Variants in SLC44A5 observed in about 807,000 individuals in gnomAD.
SLC44A5 encodes the protein choline transporter-like protein 5.
SLC44A5 carries 57 observed loss-of-function variants against 101.8 expected under a neutral mutation model. The observed-to-expected ratio is 0.56, with a 90% CI of 0.45 to 0.70. The LOEUF is 0.70. Ranked by LOEUF, SLC44A5 falls within the 30% of genes least tolerant of loss-of-function variation. SLC44A5 has a pLI of 0.00. For synonymous variants in SLC44A5, 281 were observed against 290.9 expected, an observed-to-expected ratio of 0.97 and a Z score of 0.35; for missense variants, 737 against 853.1, an observed-to-expected ratio of 0.86 and a Z score of 1.70.
chr1:75,379,058 C>A (rs1660798406), intron 3 of SLC44A5, among the ~76,000 whole-genome samples: 1 of 79,320 alleles, frequency 1.3e-5, no homozygotes, highest in Non-Finnish European at 2.1e-5. Flanking sequence ...AACGTTAGAA[C>A]CAATGCCACC....
chr1:75,680,883 A>T, the SLC44A5 span, among the ~76,000 whole-genome samples: 1 of 151,508 alleles, frequency 6.6e-6, no homozygotes, highest in Non-Finnish European at 1.5e-5. Context: ...ATAAAGAAAA[A>T]AAGAGAGAAG....
chr1:75,638,172 G>T, the SLC44A5 span, among the ~76,000 whole-genome samples: 1 of 151,828 alleles, frequency 6.6e-6, no homozygotes, highest in African/African-American at 2.4e-5. Context: ...TAAATAATAT[G>T]ACATCATTTA....
At chr1:75,669,916 ATC>A in the SLC44A5 span, among the ~76,000 whole-genome samples, 3 of 152,166 alleles carry the variant, frequency 2.0e-5, no homozygotes, top group Non-Finnish European at 2.9e-5. Context: ...AAAGCCAAAT[ATC>A]TCTGTTTTGA....
At chr1:75,638,211 A>G in the SLC44A5 span, among the ~76,000 whole-genome samples, 2 of 152,098 alleles carry the variant, frequency 1.3e-5, no homozygotes, top group East Asian at 3.8e-4. Context: ...AGAAGCTAAT[A>G]GTACGATTAA....
Position 75,227,794 on chromosome 1 carries a change from A to G in SLC44A5, c.917T>C (p.Ile306Thr). 2 of 1,596,836 alleles carry G rather than the reference A, an allele frequency of 1.3e-6. No individual in the cohort carries two copies. The highest frequency in any genetic ancestry group is 4.6e-5 in the East Asian group (2 of 43,676). Residue 306 changes from isoleucine (I) to threonine (T), a missense_variant, in exon 13 of 24, where the codon ATC becomes ACC. Transcript: ENST00000370859. ...GTTAGTCTGAATCCCGATGTCATAG[A>G]TAGTTAATACAGAACTTGGGCGTTC... ...LQERPSSVLTIYDIGIQTNIS... is the reference protein window; with the variant it reads ...LQERPSSVLTTYDIGIQTNIS...
intron 13 of SLC44A5, among the ~76,000 whole-genome samples, chr1:75,225,271 G>C (rs1313306360): frequency 2.0e-5 from 3 of 152,244 alleles, no homozygotes; most frequent in Non-Finnish European, 2.9e-5. Context: ...TGTAGACTAG[G>C]AGCAATAGGC....
intron 3 of SLC44A5, chr1:75,357,239 A>G (rs1281321233): frequency 2.2e-6 from 1 of 455,770 alleles, no homozygotes; most frequent in Non-Finnish European, 4.4e-6. Context: ...AAAAGAACCA[A>G]GAGCACTTCC....
At chr1:75,251,122 A>G in intron 7 of SLC44A5, 88 bp downstream of exon 7, 1 of 1,041,804 alleles carries the variant, frequency 9.6e-7, no homozygotes. Context: ...ACGCACACAC[A>G]CAGAGAACTC....
intron 1 of SLC44A5, among the ~76,000 whole-genome samples, chr1:75,599,729 A>T (rs560685013): frequency 6.6e-6 from 1 of 152,180 alleles, no homozygotes; most frequent in Non-Finnish European, 1.5e-5. Flanking sequence ...CAAACCATCC[A>T]AAACAATAAC....
At chr1:75,227,691 A>G in intron 13 of SLC44A5, 35 bp downstream of exon 13, 2 of 1,509,430 alleles carry the variant, frequency 1.3e-6, no homozygotes, top group Non-Finnish European at 1.8e-6. Context: ...TCTCATTATT[A>G]CAATTTTAAT....
chr1:75,475,017 T>C (rs555304083), intron 2 of SLC44A5, among the ~76,000 whole-genome samples: 1 of 152,360 alleles, frequency 6.6e-6, no homozygotes, highest in East Asian at 1.9e-4. Flanking sequence ...AAAATCGTTG[T>C]GTGTCGCCCC....
intron 3 of SLC44A5, among the ~76,000 whole-genome samples, chr1:75,356,721 G>C (rs1301709815): frequency 2.0e-5 from 3 of 152,072 alleles, no homozygotes; most frequent in African/African-American, 7.2e-5. Context: ...GCAACTTCCA[G>C]GAAGTCTTGA....
chr1:75,549,343 C>T (rs546868114), intron 1 of SLC44A5, among the ~76,000 whole-genome samples: 30 of 152,218 alleles, frequency 2.0e-4, no homozygotes, highest in African/African-American at 6.5e-4. Flanking sequence ...AAATCTCAGA[C>T]CAATTGGCCT....
At chr1:75,567,611 G>A (rs1357223791) in intron 1 of SLC44A5, among the ~76,000 whole-genome samples, 2 of 152,184 alleles carry the variant, frequency 1.3e-5, no homozygotes, top group Non-Finnish European at 2.9e-5. Context: ...TAGATAACTA[G>A]AAGTGTGTGA....
chr1:75,659,490 A>AAGGAAGGAAGGAAGGC, the SLC44A5 span, among the ~76,000 whole-genome samples: 14 of 42,348 alleles, frequency 3.3e-4, no homozygotes, highest in African/African-American at 6.8e-4. Context: ...GGAAGGAAGG[A>AAGGAAGGAAGGAAGGC]AGGCAGGCAG....
chr1:75,282,263 C>T (rs562754422), intron 5 of SLC44A5, among the ~76,000 whole-genome samples: 2 of 152,324 alleles, frequency 1.3e-5, no homozygotes, highest in South Asian at 2.1e-4. Context: ...TGCATGGGGC[C>T]TATAGCCCCT....
At chr1:75,441,064 C>T (rs1455380102) in intron 2 of SLC44A5, among the ~76,000 whole-genome samples, 2 of 151,916 alleles carry the variant, frequency 1.3e-5, no homozygotes, top group Non-Finnish European at 2.9e-5. Context: ...TTAATTACAG[C>T]ACAAATGTTC....
chr1:75,696,113 T>G, the SLC44A5 span, among the ~76,000 whole-genome samples: 3 of 152,188 alleles, frequency 2.0e-5, no homozygotes, highest in Non-Finnish European at 4.4e-5. Context: ...CAAGTTTATT[T>G]CTTACTCAGG....
At position 75,238,448 on chromosome 1, in the gene SLC44A5, C is replaced by T. The variant is rs560189428; in HGVS notation, c.656+65G>A. 9.3e-5 allele frequency: 119 copies of T among 1,283,700 alleles called. 1 individual carries two copies. The highest frequency in any genetic ancestry group is 8.8e-4 in the South Asian group (51 of 58,206). The allele number at this position is 1,283,700 out of a possible 1,614,324, so 79.5% of individuals were successfully genotyped here. On this transcript the variant is annotated intron_variant, in intron 10 of 23. Transcript: ENST00000370859. ...TTCCTATAACCCTTAACCCAATAGG[C>T]GCTTTAGTCTCGAGTGCAATAACAA... is the stretch of plus-strand genomic sequence containing the variant.
Sources: gnomAD v4.1 joint callset for allele counts (sites outside exome capture counted in the v4.1 genomes callset) on GRCh38, gnomAD v4.1.1 for gene constraint, MANE v1.5 for transcripts, NCBI Gene and HGNC (gene_info 2026-07-23, HGNC 2026-07-21) for gene names.